TRPM3: variants seen among roughly 807,000 people sequenced by gnomAD.
TRPM3 encodes transient receptor potential cation channel subfamily M member 3, also known as long transient receptor potential channel 3.
TRPM3 carries 77 observed loss-of-function variants against 181.2 expected under a neutral mutation model. That is an observed-to-expected ratio of 0.42 (90% CI 0.35 to 0.51). The LOEUF is 0.51. Ranked by LOEUF, TRPM3 falls within the 20% of genes least tolerant of loss-of-function variation. TRPM3 has a pLI of 0.01. For missense variants in TRPM3, 1,759 were observed against 2,196.7 expected (o/e 0.80, Z 3.98); for synonymous variants, 745 against 796.4 (o/e 0.94, Z 1.09).
At chr9:71,435,958 A>G (rs1413037752) in intron 1 of TRPM3, among the ~76,000 whole-genome samples, 1 of 152,206 alleles carries the variant, frequency 6.6e-6, no homozygotes, top group African/African-American at 2.4e-5. Flanking sequence ...AAATGGAGAA[A>G]GGGACTGATA....
intron 1 of TRPM3, among the ~76,000 whole-genome samples, chr9:71,410,176 C>T (rs1014532080): frequency 6.6e-6 from 1 of 152,000 alleles, no homozygotes; most frequent in Admixed American, 6.6e-5. Flanking sequence ...AAAATTGACA[C>T]CCTAACATCA....
intron 1 of TRPM3, among the ~76,000 whole-genome samples, chr9:71,342,826 T>C (rs1447006853): frequency 1.3e-5 from 2 of 152,106 alleles, no homozygotes; most frequent in Non-Finnish European, 1.5e-5. Flanking sequence ...TGTCTTTTAA[T>C]AAGTGAATTT....
intron 9 of TRPM3, among the ~76,000 whole-genome samples, chr9:70,655,864 A>T (rs980173815): frequency 4.6e-5 from 7 of 152,172 alleles, no homozygotes; most frequent in Non-Finnish European, 7.4e-5. Flanking sequence ...CTAAGGTAGG[A>T]AAAAAAGCTC....
chr9:71,326,677 C>T (rs1276957673), intron 1 of TRPM3, among the ~76,000 whole-genome samples: 2 of 152,142 alleles, frequency 1.3e-5, no homozygotes, highest in Non-Finnish European at 2.9e-5. Context: ...TCCTGATTTG[C>T]TTGCAAAGAA....
chr9:71,115,932 C>A (rs1773117891), intron 1 of TRPM3, among the ~76,000 whole-genome samples: 1 of 152,198 alleles, frequency 6.6e-6, no homozygotes, highest in African/African-American at 2.4e-5. Context: ...ATTTGATACA[C>A]ACCAGACCAT....
At chr9:70,974,791 A>G (rs573508761) in intron 1 of TRPM3, among the ~76,000 whole-genome samples, 10 of 152,012 alleles carry the variant, frequency 6.6e-5, no homozygotes, top group African/African-American at 2.4e-4. Context: ...TAATTTACAC[A>G]AAATTGGAGT....
At chr9:70,565,968 A>G (rs1225090689) in intron 22 of TRPM3, among the ~76,000 whole-genome samples, 1 of 152,134 alleles carries the variant, frequency 6.6e-6, no homozygotes, top group Non-Finnish European at 1.5e-5. Flanking sequence ...CATTCATTCA[A>G]CAGGTATTTA....
intron 22 of TRPM3, among the ~76,000 whole-genome samples, chr9:70,571,774 T>C (rs532297958): frequency 6.6e-6 from 1 of 152,292 alleles, no homozygotes; most frequent in South Asian, 2.1e-4. Flanking sequence ...AAGTATTTGC[T>C]ATTATTATTT....
chr9:71,174,014 A>C (rs769291607), intron 1 of TRPM3, among the ~76,000 whole-genome samples: 3 of 152,182 alleles, frequency 2.0e-5, no homozygotes, highest in African/African-American at 4.8e-5. Flanking sequence ...AATACTCCAG[A>C]ATCTGCAGTG....
chr9:71,301,432 T>C (rs1378779722), intron 1 of TRPM3, among the ~76,000 whole-genome samples: 1 of 152,210 alleles, frequency 6.6e-6, no homozygotes, highest in East Asian at 1.9e-4. Flanking sequence ...TATCACCATG[T>C]TGTGCTTAAT....
intron 1 of TRPM3, among the ~76,000 whole-genome samples, chr9:71,040,900 G>T (rs948622510): frequency 1.3e-5 from 2 of 152,098 alleles, no homozygotes; most frequent in Non-Finnish European, 2.9e-5. Context: ...CTCTTTAAAA[G>T]TGTCAAGGTC....
In TRPM3 at chr9:70,625,076, C is replaced by A; in HGVS notation, c.1809+115G>T. On this transcript the variant is annotated intron_variant, in intron 14 of 25. Transcript: ENST00000677713. This position sits in a 1 kb window ranked among gnomAD's most constrained non-coding sequence, Gnocchi z 4.8. ...TTACTTTTCTTTGATTGTTTAGGTT[C>A]ACTCTCAGCGCAATTTTCTGATTTT... 8.8e-7 allele frequency: 1 copy of A among 1,139,614 alleles called. No individual in the cohort carries two copies. The highest frequency in any genetic ancestry group is 2.8e-5 in the Admixed American group (1 of 35,840). The allele number at this position is 1,139,614 out of a possible 1,614,324, so 70.6% of individuals were successfully genotyped here.
chr9:70,585,381 A>T (rs181087377), intron 22 of TRPM3, among the ~76,000 whole-genome samples: 1 of 151,666 alleles, frequency 6.6e-6, no homozygotes. Flanking sequence ...GGCATTAACC[A>T]TCACGGTGGT....
At chr9:71,250,973 G>A (rs2082309672) in intron 1 of TRPM3, among the ~76,000 whole-genome samples, 1 of 152,162 alleles carries the variant, frequency 6.6e-6, no homozygotes, top group Non-Finnish European at 1.5e-5. Context: ...CATAGTCACA[G>A]GAGTGACATG....
At chr9:70,838,014 CAAAT>C (rs1224157317) in intron 5 of TRPM3, among the ~76,000 whole-genome samples, 1 of 152,050 alleles carries the variant, frequency 6.6e-6, no homozygotes, top group Non-Finnish European at 1.5e-5. Flanking sequence ...AGAGCACAGT[CAAAT>C]AAAAGCTCAA....
intron 8 of TRPM3, among the ~76,000 whole-genome samples, chr9:70,750,678 G>A (rs531933155): frequency 1.3e-5 from 2 of 152,134 alleles, no homozygotes; most frequent in African/African-American, 4.8e-5. Context: ...GGCTGGTGGC[G>A]GTGGCAATGA....
chr9:71,130,986 T>G (rs532362429), intron 1 of TRPM3, among the ~76,000 whole-genome samples: 1 of 152,292 alleles, frequency 6.6e-6, no homozygotes, highest in African/African-American at 2.4e-5. Flanking sequence ...GTATTTACTT[T>G]TATGAAAACA....
intron 6 of TRPM3, among the ~76,000 whole-genome samples, chr9:70,797,878 C>A (rs1449872041): frequency 6.6e-6 from 1 of 152,114 alleles, no homozygotes; most frequent in Non-Finnish European, 1.5e-5. Flanking sequence ...GAAGACTCAC[C>A]GTGGGATTCT....
At chr9:71,355,303 C>T (rs554652577) in intron 1 of TRPM3, among the ~76,000 whole-genome samples, 65 of 152,250 alleles carry the variant, frequency 4.3e-4, no homozygotes, top group African/African-American at 1.5e-3. Context: ...TGAGCACTAA[C>T]CCAATGTCTG....
Sources: gnomAD v4.1 joint callset for allele counts (sites outside exome capture counted in the v4.1 genomes callset) on GRCh38, gnomAD v4.1.1 for gene constraint, Gnocchi (gnomAD v3.1) non-coding constraint, MANE v1.5 for transcripts, NCBI Gene and HGNC (gene_info 2026-07-23, HGNC 2026-07-21) for gene names.